CADPS2: variants seen among roughly 807,000 people sequenced by gnomAD.
CADPS2 encodes the protein calcium dependent secretion activator 2.
CADPS2 carries 93 observed loss-of-function variants against 172.5 expected under a neutral mutation model. The ratio of observed to expected loss-of-function variants is 0.54; its 90% CI spans 0.46 to 0.64. CADPS2 has a LOEUF of 0.64. Ranked by LOEUF, CADPS2 falls within the 30% of genes least tolerant of loss-of-function variation. The pLI is 0.00. For missense variants in CADPS2, 1,420 were observed against 1,565.9 expected, an observed-to-expected ratio of 0.91 and a Z score of 1.57; for synonymous variants, 546 against 555.2, an observed-to-expected ratio of 0.98 and a Z score of 0.23.
In CADPS2 at chr7:122,820,566, T is replaced by G. The variant is rs924185174; in HGVS notation, c.339+65433A>C. On this transcript the variant is annotated intron_variant, in intron 1 of 29. Coordinates refer to ENST00000449022, the MANE Select transcript of CADPS2 (RefSeq NM_017954.11). Reference sequence around the variant, plus strand: ...TGTTTTTTGTTTTTTGTTTTTTTTTTTTTTTTTTTTTGAGACGGAGTCTCG... The same window carrying G: ...TGTTTTTTGTTTTTTGTTTTTTTTTGTTTTTTTTTTTGAGACGGAGTCTCG... Among the ~76,000 whole-genome samples, 10 of 122,156 alleles carry G rather than the reference T, an allele frequency of 8.2e-5. 2 individuals carry two copies. The highest frequency in any genetic ancestry group is 1.0e-4 in the Non-Finnish European group (6 of 58,250). 80.1% of individuals were successfully genotyped at this position (122,156 alleles called of 152,430 possible).
chr7:122,717,976 AATTTT>A (rs2089864954), intron 2 of CADPS2, among the ~76,000 whole-genome samples: 1 of 105,202 alleles, frequency 9.5e-6, no homozygotes, highest in African/African-American at 3.6e-5. Flanking sequence ...ACACTCGGCT[AATTTT>A]TTTTTTTTTT....
At chr7:122,706,431 T>TATATATATATGCTTATATATTCAAGGA (rs1430186843) in intron 2 of CADPS2, among the ~76,000 whole-genome samples, 4 of 141,792 alleles carry the variant, frequency 2.8e-5, no homozygotes, top group African/African-American at 5.2e-5. Context: ...ATTCAAGGAA[T>TATATATATATGCTTATATATTCAAGGA]ATATATATAT....
At chr7:122,734,356 TAAAAAAAAAAAAAAAAAAAAAAAAAAAAA>T (rs558421546) in intron 2 of CADPS2, among the ~76,000 whole-genome samples, 1 of 46,294 alleles carries the variant, frequency 2.2e-5, no homozygotes, top group African/African-American at 9.0e-5. Context: ...CCAGAAATAG[TAAAAAAAAAAAAAAAAAAAAAAAAAAAAA>T]AGAAAAAAAA....
intron 25 of CADPS2, among the ~76,000 whole-genome samples, chr7:122,367,391 T>C (rs936949562): frequency 2.6e-5 from 4 of 151,528 alleles, no homozygotes; most frequent in African/African-American, 9.7e-5. Context: ...TTTTTGGCAA[T>C]AATTGAGAAT....
intron 29 of CADPS2, among the ~76,000 whole-genome samples, chr7:122,324,799 G>A (rs1329119796): frequency 1.3e-5 from 2 of 152,044 alleles, no homozygotes; most frequent in Non-Finnish European, 2.9e-5. Context: ...GGTAAATTTT[G>A]TACTTACATT....
chr7:122,687,567 C>T (rs2083796267), intron 2 of CADPS2, among the ~76,000 whole-genome samples: 2 of 152,132 alleles, frequency 1.3e-5, no homozygotes, highest in Admixed American at 6.5e-5. Context: ...ATGAGGATAC[C>T]AATAATGCCT....
rs531071519 is a variant in CADPS2, at chr7:122,554,693, T to C, written c.1336-4A>G. On this transcript the variant is annotated splice_region_variant and splice_polypyrimidine_tract_variant and intron_variant, in intron 7 of 29. Coordinates refer to ENST00000449022, the MANE Select transcript of CADPS2 (RefSeq NM_017954.11). ...TAGAAGTTGGGTATAATATCACCTG[T>C]ATGGAAAAAAAAACCCACATTTAAA... 1.7e-5 allele frequency: 27 copies of C among 1,579,794 alleles called. No homozygotes were observed. The highest frequency in any genetic ancestry group is 1.7e-4 in the Middle Eastern group (1 of 5,872).
chr7:122,559,387 G>A lies in CADPS2; in HGVS notation c.1336-4698C>T, dbSNP rs151331354. 1.6e-3 allele frequency among the ~76,000 whole-genome samples: 238 copies of A among 152,140 alleles called. 1 individual carries two copies. Among genetic ancestry groups the A allele is most frequent in the African/African-American group, 5.3e-3 (221 of 41,498 alleles). ...TGTTCCCTGGACTTAGCCTCAGTCC[G>A]TTTCCACCGCTCTCCACGAAAAGAA... is the stretch of plus-strand genomic sequence containing the variant. On this transcript the variant is annotated intron_variant, in intron 7 of 29. Coordinates refer to ENST00000449022, the MANE Select transcript of CADPS2 (RefSeq NM_017954.11).
At chr7:122,785,163 G>A (rs1461111489) in intron 1 of CADPS2, among the ~76,000 whole-genome samples, 1 of 152,164 alleles carries the variant, frequency 6.6e-6, no homozygotes, top group Non-Finnish European at 1.5e-5. Context: ...AGGTGCTACA[G>A]TTGAATCTCC....
intron 6 of CADPS2, among the ~76,000 whole-genome samples, chr7:122,601,891 A>T (rs544541526): frequency 6.6e-6 from 1 of 152,214 alleles, no homozygotes; most frequent in South Asian, 2.1e-4. Context: ...TCAGTACTTC[A>T]GGAGATTTAA....
chr7:122,657,627 T>G (rs555463115), intron 3 of CADPS2, among the ~76,000 whole-genome samples: 8 of 152,298 alleles, frequency 5.3e-5, no homozygotes, highest in South Asian at 4.1e-4. Context: ...TATTGGTGTA[T>G]AAGAATGCTT....
Position 122,435,164 on chromosome 7 carries a change from T to C in CADPS2, c.2476+3177A>G, listed in dbSNP as rs1467916794. Among the ~76,000 whole-genome samples, 9 of 152,190 alleles carry C rather than the reference T, an allele frequency of 5.9e-5. No homozygotes were observed. The South Asian group carries it at 1.9e-3, about 32-fold the overall frequency. ...TGAGAAAAAGAGAGCTATTCATCAATGACAAAACATCACACTACCAACAGC... is the reference window on the plus strand; with the variant it reads ...TGAGAAAAAGAGAGCTATTCATCAACGACAAAACATCACACTACCAACAGC... On this transcript the variant is annotated intron_variant, in intron 17 of 29. Coordinates refer to ENST00000449022, the MANE Select transcript of CADPS2 (RefSeq NM_017954.11).
At chr7:122,604,742 C>T (rs1040788796) in intron 6 of CADPS2, among the ~76,000 whole-genome samples, 6 of 151,996 alleles carry the variant, frequency 3.9e-5, no homozygotes, top group East Asian at 1.9e-4. Context: ...TAAAGAGTTA[C>T]AAAAAATATA....
chr7:122,726,421 G>A lies in CADPS2; in HGVS notation c.453+10534C>T, dbSNP rs191777766. 3.3e-5 allele frequency among the ~76,000 whole-genome samples: 5 copies of A among 152,024 alleles called. No individual in the cohort carries two copies. In the East Asian group the frequency reaches 9.7e-4, roughly 30 times the overall value. On this transcript the variant is annotated intron_variant, in intron 2 of 29. Transcript: ENST00000449022. ...AAAAGCTTAATCTATCCATTTTTAT[G>A]ACACTGAAAGAGAAAAGCTTTAAAT...
intron 1 of CADPS2, among the ~76,000 whole-genome samples, chr7:122,797,814 T>C (rs574473735): frequency 6.6e-6 from 1 of 152,198 alleles, no homozygotes; most frequent in East Asian, 1.9e-4. Context: ...CAAACCTCCA[T>C]GACACAATTA....
At chr7:122,614,882 G>A (rs902639645) in intron 6 of CADPS2, among the ~76,000 whole-genome samples, 3 of 152,074 alleles carry the variant, frequency 2.0e-5, no homozygotes, top group Non-Finnish European at 4.4e-5. Flanking sequence ...AATAACACAT[G>A]GTGATAAAAT....
At chr7:122,509,939 T>C (rs1192141490) in intron 9 of CADPS2, among the ~76,000 whole-genome samples, 3 of 152,270 alleles carry the variant, frequency 2.0e-5, no homozygotes, top group Non-Finnish European at 4.4e-5. Flanking sequence ...TGCTTCAGAA[T>C]TATTTACTAC....
At position 122,708,480 on chromosome 7, in the gene CADPS2, ATATATATT is replaced by A. The variant is rs1452140566; in HGVS notation, c.453+28467_453+28474del. Among the ~76,000 whole-genome samples, 215 of 144,880 alleles carry A rather than the reference ATATATATT, an allele frequency of 1.5e-3. 2 individuals carry two copies. Among genetic ancestry groups the A allele is most frequent in the African/African-American group, 5.3e-3 (209 of 39,090 alleles). ...TGTGTGGATATATATATATATATATATATATATTGGATATGTAGATCCAAACATATTGT... is the reference window on the plus strand; with the variant it reads ...TGTGTGGATATATATATATATATATAGGATATGTAGATCCAAACATATTGT... On this transcript the variant is annotated intron_variant, in intron 2 of 29. Transcript: ENST00000449022.
chr7:122,725,047 G>C (rs1415384275), intron 2 of CADPS2, among the ~76,000 whole-genome samples: 1 of 152,072 alleles, frequency 6.6e-6, no homozygotes, highest in Non-Finnish European at 1.5e-5. Flanking sequence ...GAGTAATGTA[G>C]TTTCGGTGTA....
Sources: gnomAD v4.1 joint callset for allele counts (sites outside exome capture counted in the v4.1 genomes callset) on GRCh38, gnomAD v4.1.1 for gene constraint, MANE v1.5 for transcripts, NCBI Gene and HGNC (gene_info 2026-07-23, HGNC 2026-07-21) for gene names.